RRAGC: variants seen among roughly 807,000 people sequenced by gnomAD.
The protein encoded by RRAGC is ras-related GTP-binding protein C.
In RRAGC, 8 loss-of-function variants were observed where a neutral mutation model predicts 37.1. The ratio of observed to expected loss-of-function variants is 0.22; its 90% CI spans 0.13 to 0.39. RRAGC has a LOEUF of 0.39. Among genes scored for constraint, RRAGC ranks in the 10% least tolerant of loss-of-function variants. The probability of loss-of-function intolerance (pLI) is 1.00; values close to 1 mark genes in which losing one functional copy is unlikely to be tolerated. For synonymous variants in RRAGC, 190 were observed against 181.1 expected, an observed-to-expected ratio of 1.05 and a Z score of -0.39; for missense variants, 342 against 497.6, an observed-to-expected ratio of 0.69 and a Z score of 2.98.
intron 6 of RRAGC, among the ~76,000 whole-genome samples, chr1:38,841,497 A>G (rs1368391219): frequency 1.3e-5 from 2 of 151,690 alleles, no homozygotes; most frequent in African/African-American, 4.8e-5. Context: ...CTGAGTAGAG[A>G]GGACTATAGG....
chr1:38,852,146 A>G (rs921996249), intron 4 of RRAGC, among the ~76,000 whole-genome samples: 3 of 152,274 alleles, frequency 2.0e-5, no homozygotes, highest in Non-Finnish European at 4.4e-5. Flanking sequence ...GTTATGTGGC[A>G]ATTTACAAAC....
At position 38,859,595 on chromosome 1, in the gene RRAGC, C is replaced by A. The variant is rs868545440; in HGVS notation, c.52G>T (p.Ala18Ser). ...EETPLAGSYG[A>S]ADSFPKDFGY... ...AAGTCCTTTGGAAACGAATCGGCCG[C>A]GCCGTAACTGCCGGCGAGGGGCGTC... Residue 18 changes from alanine to serine, a missense_variant, in exon 1 of 7, where the codon GCG becomes TCG. Physicochemically the swap from Ala to Ser is moderately conservative, Grantham distance 99. Coordinates refer to ENST00000373001, the MANE Select transcript of RRAGC (RefSeq NM_022157.4). 2 of 1,568,556 alleles carry A rather than the reference C, an allele frequency of 1.3e-6. No individual in the cohort carries two copies. The highest frequency in any genetic ancestry group is 1.7e-6 in the Non-Finnish European group (2 of 1,158,008).
intron 6 of RRAGC, among the ~76,000 whole-genome samples, chr1:38,841,370 T>TTA (rs1641960703): frequency 6.8e-6 from 1 of 146,022 alleles, no homozygotes; most frequent in Non-Finnish European, 1.5e-5. Context: ...AAACAAAAAT[T>TTA]TTTTTTTTTT....
intron 1 of RRAGC, among the ~76,000 whole-genome samples, chr1:38,858,359 G>C (rs1642192834): frequency 6.6e-6 from 1 of 152,132 alleles, no homozygotes; most frequent in Admixed American, 6.6e-5. Flanking sequence ...CGCGTATAAT[G>C]GGTTTGGCTG....
At chr1:38,857,938 C>T (rs987050097) in intron 1 of RRAGC, among the ~76,000 whole-genome samples, 3 of 151,634 alleles carry the variant, frequency 2.0e-5, no homozygotes, top group Non-Finnish European at 4.4e-5. Flanking sequence ...CCAGCCTGGG[C>T]GATGAGCAAG....
chr1:38,851,361 G>A (rs761177862), intron 5 of RRAGC, among the ~76,000 whole-genome samples: 5 of 152,194 alleles, frequency 3.3e-5, no homozygotes, highest in African/African-American at 4.8e-5. Flanking sequence ...CCACAACAGT[G>A]GGAGAAACTT....
chr1:38,856,954 G>A lies in RRAGC; in HGVS notation c.366C>T (p.Asp122=). The change falls in exon 2 of 7, where the codon GAC becomes GAT. Residue 122 remains aspartate (D), a synonymous_variant. Coordinates refer to ENST00000373001, the MANE Select transcript of RRAGC (RefSeq NM_022157.4). The part of the protein sequence containing the change: ...FQIWDFPGQM[D]FFDPTFDYEM... Reference sequence around the variant, plus strand: ...CATAGTCAAAGGTTGGGTCAAAAAAGTCCATTTGCCCAGGAAAATCCCATA... The same window carrying A: ...CATAGTCAAAGGTTGGGTCAAAAAAATCCATTTGCCCAGGAAAATCCCATA... 1 of 1,614,118 alleles carries A rather than the reference G, an allele frequency of 6.2e-7. No individual in the cohort carries two copies. The highest frequency in any genetic ancestry group is 8.5e-7 in the Non-Finnish European group (1 of 1,180,000).
chr1:38,853,840 G>C (rs1642132465), intron 3 of RRAGC, among the ~76,000 whole-genome samples: 1 of 152,072 alleles, frequency 6.6e-6, no homozygotes, highest in Non-Finnish European at 1.5e-5. Context: ...CACTGGAACA[G>C]GTAAGGCCAA....
chr1:38,858,425 G>A (rs1004551494), intron 1 of RRAGC, among the ~76,000 whole-genome samples: 2 of 152,294 alleles, frequency 1.3e-5, no homozygotes, highest in South Asian at 4.1e-4. Context: ...GTAGGCCAGC[G>A]TGGTGACTCA....
At chr1:38,840,209 C>T (rs1641948030) in intron 6 of RRAGC, among the ~76,000 whole-genome samples, 1 of 151,486 alleles carries the variant, frequency 6.6e-6, no homozygotes, top group African/African-American at 2.4e-5. Context: ...TAACGTTCTG[C>T]TAGAAAACAA....
At chr1:38,839,787 C>T (rs936154634) in intron 6 of RRAGC, 83 bp from the exon 7 acceptor site, 9 of 1,340,722 alleles carry the variant, frequency 6.7e-6, no homozygotes, top group South Asian at 1.3e-5. Context: ...AAAAATAACT[C>T]GGATAAACAC....
In RRAGC at chr1:38,859,737, C is replaced by T. The variant is rs1420822524; in HGVS notation, c.-91G>A. On this transcript the variant is annotated 5_prime_UTR_variant, in exon 1 of 7. Transcript: ENST00000373001. ...CCCAGTCCGCCTCCGCCGCCGCCGCCACCACCGCCACCGCCCCCGGCAGCC... is the reference window on the plus strand; with the variant it reads ...CCCAGTCCGCCTCCGCCGCCGCCGCTACCACCGCCACCGCCCCCGGCAGCC... 5 of 1,096,474 alleles carry T rather than the reference C, an allele frequency of 4.6e-6. No homozygotes were observed. Among genetic ancestry groups the T allele is most frequent in the Non-Finnish European group, 5.8e-6 (5 of 868,058 alleles). The allele number at this position is 1,096,474 out of a possible 1,614,324, so 67.9% of individuals were successfully genotyped here.
At chr1:38,849,134 G>T (rs1045282198) in intron 5 of RRAGC, among the ~76,000 whole-genome samples, 1 of 152,074 alleles carries the variant, frequency 6.6e-6, no homozygotes, top group African/African-American at 2.4e-5. Flanking sequence ...GGTTAGCTGG[G>T]TATGGTGTGG....
intron 6 of RRAGC, 64 bp downstream of exon 6, chr1:38,845,875 T>C: frequency 7.2e-7 from 1 of 1,392,300 alleles, no homozygotes; most frequent in East Asian, 2.3e-5. Flanking sequence ...TCACTTGTTT[T>C]CAAGAACCTG....
intron 2 of RRAGC, 148 bp downstream of exon 2, chr1:38,856,731 G>C (rs1417190793): frequency 7.4e-6 from 5 of 677,884 alleles, no homozygotes; most frequent in Non-Finnish European, 1.3e-5. Flanking sequence ...TGCTCCCAAA[G>C]CACTCTGCAA....
At chr1:38,857,950 C>T (rs940249760) in intron 1 of RRAGC, among the ~76,000 whole-genome samples, 10 of 151,944 alleles carry the variant, frequency 6.6e-5, no homozygotes, top group Admixed American at 3.3e-4. Context: ...ATGAGCAAGA[C>T]TCCATAACAA....
intron 5 of RRAGC, among the ~76,000 whole-genome samples, chr1:38,850,133 G>A (rs140692971): frequency 6.6e-6 from 1 of 152,010 alleles, no homozygotes; most frequent in Non-Finnish European, 1.5e-5. Flanking sequence ...TTGAACCCAG[G>A]AGGCGGAGAT....
chr1:38,846,081 C>G lies in RRAGC; in HGVS notation c.906G>C (p.Lys302Asn). 3 of 1,607,078 alleles carry G rather than the reference C, an allele frequency of 1.9e-6. No individual in the cohort carries two copies. The highest frequency in any genetic ancestry group is 2.6e-6 in the Non-Finnish European group (3 of 1,176,276). The change falls in exon 6 of 7, where the codon AAG becomes AAC. Residue 302 changes from lysine (K) to asparagine (N), a missense_variant. Lys to Asn is a moderately conservative substitution (Grantham distance 94). Coordinates refer to ENST00000373001, the MANE Select transcript of RRAGC (RefSeq NM_022157.4). ...CATAAGCACTTCCACTTCCATCTTC[C>G]TTTAACCTATTTTAAAAGAAAGTAC... The part of the protein sequence containing the change: ...VIDVSCIYGL[K>N]EDGSGSAYDK...
chr1:38,858,625 G>A lies in RRAGC; in HGVS notation c.237+785C>T, dbSNP rs921857219. Among the ~76,000 whole-genome samples, 18 of 152,212 alleles carry A rather than the reference G, an allele frequency of 1.2e-4. 1 individual carries two copies. Among genetic ancestry groups the A allele is most frequent in the African/African-American group, 4.3e-4 (18 of 41,446 alleles). On this transcript the variant is annotated intron_variant, in intron 1 of 6. Transcript: ENST00000373001. ...AGGCGGGAGAATTACTTGAACCAGG[G>A]AGGTGGAGGTTGCAGTGAGCCGAGA...
Sources: allele counts gnomAD v4.1 joint callset (sites outside exome capture counted in the v4.1 genomes callset), GRCh38; gene constraint gnomAD v4.1.1; transcripts MANE v1.5; gene names NCBI Gene and HGNC (gene_info 2026-07-23, HGNC 2026-07-21).